The following CD47 variants were observed in gnomAD, a reference collection of about 807,000 sequenced individuals.
CD47 encodes leukocyte surface antigen CD47.
CD47 carries 11 observed loss-of-function variants against 44.6 expected under a neutral mutation model. The ratio of observed to expected loss-of-function variants is 0.25; its 90% CI spans 0.16 to 0.41. CD47 has a LOEUF of 0.41. CD47 is among the 10% of genes least tolerant of loss of function. The probability of loss-of-function intolerance (pLI) is 1.00; values close to 1 mark genes in which losing one functional copy is unlikely to be tolerated. For synonymous variants in CD47, 140 were observed against 136.3 expected (o/e 1.03, Z -0.19); for missense variants, 306 against 386.7 (o/e 0.79, Z 1.75).
At chr3:108,067,595 CACAA>C (rs1170372596) in intron 3 of CD47, among the ~76,000 whole-genome samples, 3 of 152,186 alleles carry the variant, frequency 2.0e-5, no homozygotes, top group African/African-American at 7.2e-5. Context: ...GTTTTCAGAA[CACAA>C]ACAAAGCGTC....
chr3:108,070,437 T>C lies in CD47; in HGVS notation c.490+656A>G, dbSNP rs75989634. ...ATGGTTGATTAAACATTAACCGTAA[T>C]GCATATTACCTATTTGCCTAGTAAT... is the stretch of plus-strand genomic sequence containing the variant. On this transcript the variant is annotated intron_variant, in intron 3 of 10. Coordinates refer to ENST00000361309, the MANE Select transcript of CD47 (RefSeq NM_001777.4). 6.5e-3 allele frequency among the ~76,000 whole-genome samples: 993 copies of C among 152,356 alleles called. 9 individuals carry two copies. Among genetic ancestry groups the C allele is most frequent in the African/African-American group, 0.022 (935 of 41,588 alleles).
chr3:108,054,923 C>G (rs1037783057), intron 7 of CD47, among the ~76,000 whole-genome samples: 4 of 152,084 alleles, frequency 2.6e-5, no homozygotes, highest in African/African-American at 9.7e-5. Flanking sequence ...AAGTATTGAT[C>G]CTTATAATTA....
At chr3:108,059,369 A>G in intron 5 of CD47, 83 bp downstream of exon 5, 1 of 626,338 alleles carries the variant, frequency 1.6e-6, no homozygotes, top group Non-Finnish European at 2.7e-6. Flanking sequence ...GTTGTAAAAA[A>G]TTTATATGAG....
At chr3:108,089,321 A>G in intron 1 of CD47, among the ~76,000 whole-genome samples, 1 of 152,216 alleles carries the variant, frequency 6.6e-6, no homozygotes, top group Non-Finnish European at 1.5e-5. Context: ...AGTGCTAATT[A>G]CATGATATTA....
At chr3:108,064,782 G>A (rs2108243103) in intron 3 of CD47, among the ~76,000 whole-genome samples, 1 of 152,206 alleles carries the variant, frequency 6.6e-6, no homozygotes, top group Non-Finnish European at 1.5e-5. Context: ...AAAGAAAGAT[G>A]GGTTTGATTT....
chr3:108,049,687 A>G (rs772548249), intron 9 of CD47, 36 bp from the exon 10 acceptor site: 9 of 1,533,082 alleles, frequency 5.9e-6, no homozygotes, highest in Non-Finnish European at 8.1e-6. Flanking sequence ...GCAGTTAGTG[A>G]GGTTCCACAA....
intron 3 of CD47, among the ~76,000 whole-genome samples, chr3:108,070,868 A>T (rs1326071932): frequency 6.6e-6 from 1 of 152,186 alleles, no homozygotes; most frequent in Non-Finnish European, 1.5e-5. Flanking sequence ...AAGAGATTAA[A>T]AAAACACCAA....
chr3:108,055,101 T>C (rs1218393472), intron 7 of CD47, among the ~76,000 whole-genome samples: 10 of 151,964 alleles, frequency 6.6e-5, no homozygotes, highest in South Asian at 2.1e-4. Flanking sequence ...GTTTAAAAAG[T>C]TAAAAAATAG....
At chr3:108,050,540 T>C (rs764073811) in intron 9 of CD47, 38 bp downstream of exon 9, 5 of 1,028,250 alleles carry the variant, frequency 4.9e-6, no homozygotes, top group Admixed American at 2.2e-5. Flanking sequence ...GATCAAATTA[T>C]GATCTGGTAA....
chr3:108,054,265 C>T (rs2078878049), intron 7 of CD47: 1 of 152,118 alleles, frequency 6.6e-6, no homozygotes, highest in Non-Finnish European at 1.5e-5. Context: ...CCAAGTAACT[C>T]CTTTTCTTCC....
intron 2 of CD47, 131 bp from the exon 3 acceptor site, chr3:108,071,313 A>ATT: frequency 1.8e-6 from 1 of 553,282 alleles, no homozygotes; most frequent in East Asian, 3.1e-5. Context: ...TTTTACATGT[A>ATT]TTTATTTATA....
chr3:108,075,641 A>G (rs2108260301), intron 2 of CD47, among the ~76,000 whole-genome samples: 1 of 152,296 alleles, frequency 6.6e-6, no homozygotes, highest in African/African-American at 2.4e-5. Context: ...TGCATCTTTT[A>G]TAATTCCCTC....
intron 2 of CD47, among the ~76,000 whole-genome samples, chr3:108,073,050 C>T (rs1239773850): frequency 6.7e-6 from 1 of 149,728 alleles, no homozygotes; most frequent in Non-Finnish European, 1.5e-5. Flanking sequence ...GTGGTGACCC[C>T]ATTTCTTCAG....
intron 3 of CD47, among the ~76,000 whole-genome samples, chr3:108,065,606 T>C (rs755194469): frequency 3.1e-4 from 46 of 150,734 alleles, no homozygotes; most frequent in South Asian, 2.1e-4. Context: ...AGGTCAGGAG[T>C]TCGAGACCAG....
At chr3:108,079,966 AAAG>A (rs747991130) in intron 2 of CD47, 22 bp downstream of exon 2, 2 of 1,520,310 alleles carry the variant, frequency 1.3e-6, no homozygotes, top group Non-Finnish European at 1.8e-6. Flanking sequence ...ACAAATAAAA[AAAG>A]AAGCTTTCAT....
intron 3 of CD47, among the ~76,000 whole-genome samples, chr3:108,069,944 C>CTTGAAAGTAAAAGTTATAAAATG (rs1296933998): frequency 6.6e-5 from 10 of 152,146 alleles, no homozygotes; most frequent in Non-Finnish European, 1.5e-4. Flanking sequence ...TAGACACTAT[C>CTTGAAAGTAAAAGTTATAAAATG]TTGAAAGTAA....
intron 2 of CD47, among the ~76,000 whole-genome samples, chr3:108,076,866 C>T (rs1046210174): frequency 1.3e-5 from 2 of 152,086 alleles, no homozygotes; most frequent in African/African-American, 4.8e-5. Context: ...TCAAACATTT[C>T]CATGATGGTG....
At chr3:108,079,506 C>T (rs1337556868) in intron 2 of CD47, among the ~76,000 whole-genome samples, 2 of 144,414 alleles carry the variant, frequency 1.4e-5, no homozygotes, top group Non-Finnish European at 3.0e-5. Context: ...CCTGACTCTC[C>T]TCTATTCTCT....
chr3:108,069,555 T>C (rs971123274), intron 3 of CD47, among the ~76,000 whole-genome samples: 3 of 149,612 alleles, frequency 2.0e-5, no homozygotes, highest in Non-Finnish European at 4.4e-5. Flanking sequence ...TTGTACGAGG[T>C]GTTCTAAAGT....
Sources: gnomAD v4.1 joint callset for allele counts (sites outside exome capture counted in the v4.1 genomes callset) on GRCh38, gnomAD v4.1.1 for gene constraint, MANE v1.5 for transcripts, NCBI Gene and HGNC (gene_info 2026-07-23, HGNC 2026-07-21) for gene names.